CCNJL: variants seen among roughly 807,000 people sequenced by gnomAD.
The protein encoded by CCNJL is cyclin J like.
CCNJL carries 33 observed loss-of-function variants against 33.4 expected under a neutral mutation model. That is an observed-to-expected ratio of 0.99 (90% CI 0.75 to 1.32). The LOEUF is 1.32. Among genes scored for constraint, CCNJL ranks in the 40% most tolerant of loss-of-function variants. CCNJL has a pLI of 0.00. For missense variants in CCNJL, 512 were observed against 499.7 expected (o/e 1.02, Z -0.23); for synonymous variants, 227 against 220.9 (o/e 1.03, Z -0.24).
chr5:160,258,786 A>G (rs954268660), intron 4 of CCNJL, among the ~76,000 whole-genome samples: 21 of 152,170 alleles, frequency 1.4e-4, no homozygotes, highest in Non-Finnish European at 2.5e-4. Context: ...AATCTCCGCC[A>G]CCTGAGTTCA....
At chr5:160,326,732 A>G in intron 1 of CCNJL, 3 of 919,680 alleles carry the variant, frequency 3.3e-6, no homozygotes, top group Admixed American at 1.7e-5. Flanking sequence ...GCAGAAGGTT[A>G]TGGTGCAGCC....
rs1032620569 is a variant in CCNJL, at chr5:160,255,605, C to A, written c.687G>T (p.Gln229His). 1 of 1,614,206 alleles carries A rather than the reference C, an allele frequency of 6.2e-7. No homozygotes were observed. Among genetic ancestry groups the A allele is most frequent in the Admixed American group, 1.7e-5 (1 of 60,028 alleles). ...QLSPYWTRDL[Q>H]RISSYSLEHL... is the part of the protein sequence containing the mutation. ...GCTCCAGGGAATAGCTTGAGATCCT[C>A]TGCAGGTCTCTGGTCCAGTAGGGAG... The change falls in exon 5 of 6, where the codon CAG (glutamine) becomes CAT (histidine). Residue 229 changes from glutamine (Q) to histidine (H), a missense_variant. Coordinates refer to ENST00000257536, the MANE Select transcript of CCNJL (RefSeq NM_001308173.3).
At chr5:160,256,368 C>T (rs1359906790) in intron 4 of CCNJL, among the ~76,000 whole-genome samples, 1 of 152,170 alleles carries the variant, frequency 6.6e-6, no homozygotes, top group Non-Finnish European at 1.5e-5. Context: ...TGGGGTATGA[C>T]TTAAAGCTAC....
intron 5 of CCNJL, 48 bp from the exon 6 acceptor site, chr5:160,253,846 A>C (rs1760937098): frequency 7.1e-7 from 1 of 1,402,854 alleles, no homozygotes; most frequent in South Asian, 1.4e-5. Flanking sequence ...AAGCCACCAG[A>C]TGCCTGTGTG....
At chr5:160,318,765 A>G (rs1156500986) in intron 1 of CCNJL, among the ~76,000 whole-genome samples, 1 of 152,248 alleles carries the variant, frequency 6.6e-6, no homozygotes, top group Non-Finnish European at 1.5e-5. Context: ...CATTACGGAA[A>G]GAATGAAATA....
intron 2 of CCNJL, among the ~76,000 whole-genome samples, chr5:160,302,664 T>C (rs1762959497): frequency 6.6e-6 from 1 of 151,934 alleles, no homozygotes; most frequent in Non-Finnish European, 1.5e-5. Flanking sequence ...ATACAAAAAT[T>C]AGCTGGGCGT....
Position 160,252,297 on chromosome 5 carries a change from C to G in CCNJL, c.*1081G>C, listed in dbSNP as rs1382701309. On this transcript the variant is annotated 3_prime_UTR_variant, in exon 6 of 6. Transcript: ENST00000257536. ...GGTGGTATCAAACGCCCATGTACAT[C>G]CCACTCCCCAAATACAGGTGGGACT... 6.6e-6 allele frequency: 1 copy of G among 152,582 alleles called. No homozygotes were observed. Among genetic ancestry groups the G allele is most frequent in the Non-Finnish European group, 1.5e-5 (1 of 68,034 alleles). The allele number at this position is 152,582 out of a possible 1,614,324, so 9.5% of individuals were successfully genotyped here.
chr5:160,254,675 T>C (rs1760974317), intron 5 of CCNJL: 1 of 239,526 alleles, frequency 4.2e-6, no homozygotes, highest in Non-Finnish European at 7.9e-6. Flanking sequence ...AGTGTGTGCC[T>C]ACTGGGAATG....
intron 3 of CCNJL, among the ~76,000 whole-genome samples, chr5:160,263,758 G>A (rs1407868307): frequency 6.6e-6 from 1 of 152,180 alleles, no homozygotes; most frequent in Non-Finnish European, 1.5e-5. Context: ...GGCACACTTT[G>A]TGAATATCCT....
Position 160,291,813 on chromosome 5 carries a change from C to T in CCNJL, c.67-11075G>A, listed in dbSNP as rs920725770. On this transcript the variant is annotated intron_variant, in intron 2 of 5. Transcript: ENST00000257536. The stretch of plus-strand genomic sequence containing the variant: ...GGCTTACAAAAAGCGCATGGCAGCT[C>T]ACAGAAGCCCCAGGCAGCCAAGTGC... Among the ~76,000 whole-genome samples, 7 of 152,190 alleles carry T rather than the reference C, an allele frequency of 4.6e-5. No homozygotes were observed. The South Asian group carries it at 6.2e-4, about 14-fold the overall frequency.
intron 2 of CCNJL, among the ~76,000 whole-genome samples, chr5:160,295,442 C>T (rs1024088892): frequency 2.0e-5 from 3 of 152,120 alleles, no homozygotes; most frequent in African/African-American, 2.4e-5. Flanking sequence ...GAGCCGAGAT[C>T]GCGCCACTGC....
intron 5 of CCNJL, chr5:160,254,302 G>A (rs1760957741): frequency 1.5e-6 from 1 of 666,688 alleles, no homozygotes. Flanking sequence ...CAAATTGACC[G>A]CTGGGGCCTA....
upstream of CCNJL, among the ~76,000 whole-genome samples, chr5:160,315,984 T>G (rs1763375896): frequency 6.6e-6 from 1 of 152,222 alleles, no homozygotes; most frequent in African/African-American, 2.4e-5. Flanking sequence ...TTTGGATAAC[T>G]AAGAGGGAAA....
chr5:160,320,613 C>A (rs1461548329), intron 1 of CCNJL, among the ~76,000 whole-genome samples: 1 of 152,194 alleles, frequency 6.6e-6, no homozygotes, highest in Admixed American at 6.5e-5. Context: ...GTGCGTGCTG[C>A]ATCCAGGGTG....
At chr5:160,314,189 A>C (rs1466296914), upstream of CCNJL, among the ~76,000 whole-genome samples, 2 of 152,206 alleles carry the variant, frequency 1.3e-5, no homozygotes, top group African/African-American at 4.8e-5. Flanking sequence ...ACGAACAAAA[A>C]AACTGGGGGG....
chr5:160,315,477 A>C, upstream of CCNJL: 1 of 439,800 alleles, frequency 2.3e-6, no homozygotes, highest in South Asian at 1.6e-5. Context: ...ACTGCACTCC[A>C]GCCTGGGCAA....
At chr5:160,309,130 T>C (rs866892882) in intron 2 of CCNJL, among the ~76,000 whole-genome samples, 13 of 152,158 alleles carry the variant, frequency 8.5e-5, no homozygotes, top group African/African-American at 1.9e-4. Context: ...TGAGATGACA[T>C]TGGAGGTCTT....
At chr5:160,288,735 C>T (rs924313067) in intron 2 of CCNJL, among the ~76,000 whole-genome samples, 5 of 147,304 alleles carry the variant, frequency 3.4e-5, no homozygotes, top group South Asian at 2.1e-4. Context: ...GAGGCTGAGG[C>T]AGGAGAATGG....
chr5:160,308,210 G>A (rs1019744305), intron 2 of CCNJL, among the ~76,000 whole-genome samples: 1 of 152,188 alleles, frequency 6.6e-6, no homozygotes, highest in Non-Finnish European at 1.5e-5. Context: ...GAGGTGCAAT[G>A]CCTGCCAAGT....
Sources: gnomAD v4.1 joint callset for allele counts (sites outside exome capture counted in the v4.1 genomes callset) on GRCh38, gnomAD v4.1.1 for gene constraint, MANE v1.5 for transcripts, NCBI Gene and HGNC (gene_info 2026-07-23, HGNC 2026-07-21) for gene names.